SLC9A7: variants seen among roughly 807,000 people sequenced by gnomAD.
The protein encoded by SLC9A7 is sodium/hydrogen exchanger 7.
A neutral mutation model predicts 52.6 loss-of-function variants in SLC9A7; 19 were observed. That is an observed-to-expected ratio of 0.36 (90% CI 0.25 to 0.53). The LOEUF (loss-of-function observed/expected upper bound fraction) is 0.53. SLC9A7 is among the 20% of genes least tolerant of loss of function. SLC9A7 has a pLI of 0.91. For missense variants in SLC9A7, 455 were observed against 597.9 expected, an observed-to-expected ratio of 0.76 and a Z score of 2.49; for synonymous variants, 226 against 252.1, an observed-to-expected ratio of 0.90 and a Z score of 0.98.
At position 46,682,547 on chromosome X, in the gene SLC9A7, G is replaced by C; in HGVS notation, c.326-12C>G. On this transcript the variant is annotated splice_polypyrimidine_tract_variant and intron_variant, in intron 1 of 16. Coordinates refer to ENST00000616978, the MANE Select transcript of SLC9A7 (RefSeq NM_001257291.2). ...CCCAACGATGAGCCCTGAAAGAGTGGAAAAAAACTCATCAGGCCTGAGGAA... is the reference window on the plus strand; with the variant it reads ...CCCAACGATGAGCCCTGAAAGAGTGCAAAAAAACTCATCAGGCCTGAGGAA... The C allele has an allele frequency of 1.7e-6, 2 of 1,195,083 alleles. No individual in the cohort carries two copies. The highest frequency in any genetic ancestry group is 3.6e-5 in the South Asian group (2 of 55,728).
At chrX:46,749,010 A>G in intron 1 of SLC9A7, among the ~76,000 whole-genome samples, 1 of 112,127 alleles carries the variant, frequency 8.9e-6, no homozygotes. Context: ...AGCCAAACAC[A>G]TACTTTTCTG....
At position 46,603,392 on chromosome X, in the gene SLC9A7, G is replaced by A. The variant is rs938754023; in HGVS notation, c.*3560C>T. 1.8e-5 allele frequency: 2 copies of A among 112,325 alleles called. No homozygotes were observed. Among genetic ancestry groups the A allele is most frequent in the Non-Finnish European group, 3.8e-5 (2 of 53,297 alleles). The allele number at this position is 112,325 out of a possible 1,213,427, so 9.3% of individuals were successfully genotyped here. ...CATTTCCTTGTATGTGAGTAGATCA[G>A]AATCAAATGTTTGCAGTGAAGACTA... On this transcript the variant is annotated 3_prime_UTR_variant, in exon 17 of 17. Transcript: ENST00000616978.
chrX:46,631,020 T>C (rs758320129), intron 14 of SLC9A7, among the ~76,000 whole-genome samples: 1 of 112,205 alleles, frequency 8.9e-6, no homozygotes, highest in African/African-American at 3.2e-5. Flanking sequence ...CCAGCCCAGG[T>C]GCCAGACATA....
At position 46,606,790 on chromosome X, in the gene SLC9A7, C is replaced by T; in HGVS notation, c.*162G>A. 1 of 1,106,426 alleles carries T rather than the reference C, an allele frequency of 9.0e-7. No individual in the cohort carries two copies. The allele number at this position is 1,106,426 out of a possible 1,213,427, so 91.2% of individuals were successfully genotyped here. On this transcript the variant is annotated 3_prime_UTR_variant, in exon 17 of 17. Coordinates refer to ENST00000616978, the MANE Select transcript of SLC9A7 (RefSeq NM_001257291.2). ...AGAGACACTTTTGCCTCACCATCTG[C>T]ATTGTGAGTTAAATTTTAAGTGTTA...
chrX:46,666,977 C>T (rs1235911414), intron 5 of SLC9A7, among the ~76,000 whole-genome samples: 1 of 112,017 alleles, frequency 8.9e-6, no homozygotes, highest in Non-Finnish European at 1.9e-5. Flanking sequence ...AGCTGATTTT[C>T]AGAGTTCTCT....
chrX:46,609,551 T>C (rs972651069), intron 16 of SLC9A7, among the ~76,000 whole-genome samples: 7 of 86,596 alleles, frequency 8.1e-5, no homozygotes, highest in African/African-American at 1.8e-4. Flanking sequence ...ATACAAAAAT[T>C]AGCCGGGTGG....
chrX:46,641,919 G>C (rs1034787605), intron 12 of SLC9A7, among the ~76,000 whole-genome samples: 21 of 111,820 alleles, frequency 1.9e-4, no homozygotes, highest in African/African-American at 6.5e-4. Flanking sequence ...ATATATGTAT[G>C]GTATCTGGAA....
intron 1 of SLC9A7, among the ~76,000 whole-genome samples, chrX:46,723,321 A>C (rs1180224554): frequency 9.3e-6 from 1 of 108,106 alleles, no homozygotes; most frequent in East Asian, 2.9e-4. Context: ...AAAAAAAGAA[A>C]GAAAGAAAGA....
At chrX:46,732,758 G>A (rs973346500) in intron 1 of SLC9A7, among the ~76,000 whole-genome samples, 13 of 111,313 alleles carry the variant, frequency 1.2e-4, no homozygotes, top group Non-Finnish European at 1.9e-4. Context: ...AAATACACCC[G>A]CACATACATA....
At chrX:46,643,615 G>A (rs761666872) in intron 11 of SLC9A7, among the ~76,000 whole-genome samples, 4 of 111,783 alleles carry the variant, frequency 3.6e-5, no homozygotes, top group Non-Finnish European at 7.5e-5. Context: ...GCTTTGTACA[G>A]CACTTTTTCA....
At chrX:46,612,311 C>G in intron 16 of SLC9A7, among the ~76,000 whole-genome samples, 1 of 111,421 alleles carries the variant, frequency 9.0e-6, no homozygotes, top group Non-Finnish European at 1.9e-5. Context: ...GAAGGAAGGC[C>G]TCTGACCTCT....
chrX:46,712,363 A>G (rs1302624801), intron 1 of SLC9A7, among the ~76,000 whole-genome samples: 1 of 111,035 alleles, frequency 9.0e-6, no homozygotes, highest in Admixed American at 9.6e-5. Flanking sequence ...ATGTCACATG[A>G]AGAGAGGGAG....
intron 15 of SLC9A7, among the ~76,000 whole-genome samples, chrX:46,616,941 T>C: frequency 9.0e-6 from 1 of 111,546 alleles, no homozygotes; most frequent in East Asian, 2.8e-4. Flanking sequence ...TCACACTTGG[T>C]GGGCCCTTGC....
At chrX:46,737,213 C>T (rs1218528461) in intron 1 of SLC9A7, among the ~76,000 whole-genome samples, 1 of 111,829 alleles carries the variant, frequency 8.9e-6, no homozygotes, top group Non-Finnish European at 1.9e-5. Context: ...CCAGCCAAGA[C>T]ACAGGAAAAA....
chrX:46,677,143 A>G (rs1944132788), intron 3 of SLC9A7, among the ~76,000 whole-genome samples: 1 of 111,766 alleles, frequency 8.9e-6, no homozygotes, highest in African/African-American at 3.3e-5. Context: ...AGGAGGGGTC[A>G]CTTGATCTCT....
At position 46,664,404 on chromosome X, in the gene SLC9A7, A is replaced by G. The variant is rs770690990; in HGVS notation, c.794-1761T>C. On this transcript the variant is annotated intron_variant, in intron 5 of 16. Coordinates refer to ENST00000616978, the MANE Select transcript of SLC9A7 (RefSeq NM_001257291.2). ...AGCCCAGTACTGGTACCCAAGATAAATATCTATTTGTTTAAGCAGGGATTA... is the reference window on the plus strand; with the variant it reads ...AGCCCAGTACTGGTACCCAAGATAAGTATCTATTTGTTTAAGCAGGGATTA... 4.5e-5 allele frequency among the ~76,000 whole-genome samples: 5 copies of G among 111,575 alleles called. No homozygotes were observed. In the South Asian group the frequency reaches 1.9e-3, roughly 42 times the overall value.
At chrX:46,710,961 A>G (rs1388780710) in intron 1 of SLC9A7, among the ~76,000 whole-genome samples, 1 of 112,718 alleles carries the variant, frequency 8.9e-6, no homozygotes, top group Non-Finnish European at 1.9e-5. Context: ...AAATTAATCG[A>G]TTGGCACTCT....
chrX:46,743,245 A>G (rs1602298762), intron 1 of SLC9A7, among the ~76,000 whole-genome samples: 2 of 111,880 alleles, frequency 1.8e-5, no homozygotes, highest in Admixed American at 1.9e-4. Context: ...TCATATTCCA[A>G]TAGGTCCTGG....
Position 46,636,947 on chromosome X carries a change from T to G in SLC9A7, c.1617-1299A>C, listed in dbSNP as rs745768540. On this transcript the variant is annotated intron_variant, in intron 12 of 16. Transcript: ENST00000616978. ...GAATGTGACTTAAATCAGACTCTATTACTACAACATCGAAAAATTATAGCA... is the reference window on the plus strand; with the variant it reads ...GAATGTGACTTAAATCAGACTCTATGACTACAACATCGAAAAATTATAGCA... 1.3e-3 allele frequency among the ~76,000 whole-genome samples: 144 copies of G among 112,211 alleles called. 1 individual carries two copies. The highest frequency in any genetic ancestry group is 4.5e-3 in the African/African-American group (138 of 30,930).
Sources: gnomAD v4.1 joint callset for allele counts (sites outside exome capture counted in the v4.1 genomes callset) on GRCh38, gnomAD v4.1.1 for gene constraint, MANE v1.5 for transcripts, NCBI Gene and HGNC (gene_info 2026-07-23, HGNC 2026-07-21) for gene names.